TM4SF4: variants seen among roughly 807,000 people sequenced by gnomAD.
TM4SF4 encodes transmembrane 4 L six family member 4.
In TM4SF4, 24 loss-of-function variants were observed where a neutral mutation model predicts 24.1. The observed-to-expected ratio is 1.00, with a 90% CI of 0.72 to 1.40. The LOEUF is 1.40. Among genes scored for constraint, TM4SF4 ranks in the 40% most tolerant of loss-of-function variants. The pLI is 0.00. For synonymous variants in TM4SF4, 113 were observed against 97.0 expected, an observed-to-expected ratio of 1.17 and a Z score of -0.97; for missense variants, 254 against 254.2, an observed-to-expected ratio of 1.00 and a Z score of 0.01.
At chr3:149,480,256 T>C (rs917876801) in intron 2 of TM4SF4, among the ~76,000 whole-genome samples, 1 of 152,126 alleles carries the variant, frequency 6.6e-6, no homozygotes, top group African/African-American at 2.4e-5. Context: ...CTAATCCTTC[T>C]AAAAAATGGA....
At chr3:149,476,991 A>T (rs1447327369) in intron 2 of TM4SF4, among the ~76,000 whole-genome samples, 4 of 151,290 alleles carry the variant, frequency 2.6e-5, no homozygotes, top group Non-Finnish European at 5.9e-5. Context: ...GTAGAGACAG[A>T]GTTTGGGCAT....
At chr3:149,499,709 T>C (rs1271153536) in intron 4 of TM4SF4, among the ~76,000 whole-genome samples, 1 of 152,158 alleles carries the variant, frequency 6.6e-6, no homozygotes, top group Non-Finnish European at 1.5e-5. Flanking sequence ...AATTATTTTA[T>C]TTAAATTTTA....
intron 2 of TM4SF4, among the ~76,000 whole-genome samples, 183 bp downstream of exon 2, chr3:149,476,095 T>C (rs980072411): frequency 6.6e-6 from 1 of 152,216 alleles, no homozygotes; most frequent in Non-Finnish European, 1.5e-5. Flanking sequence ...CAAAATACCA[T>C]AGCCCTCATA....
chr3:149,487,610 CTCTT>C lies in TM4SF4; in HGVS notation c.265-6_265-3del. 6.2e-7 allele frequency: 1 copy of C among 1,613,964 alleles called. No homozygotes were observed. Among genetic ancestry groups the C allele is most frequent in the South Asian group, 1.1e-5 (1 of 91,076 alleles). On this transcript the variant is annotated splice_region_variant and splice_polypyrimidine_tract_variant and intron_variant, in intron 2 of 4. Coordinates refer to ENST00000305354, the MANE Select transcript of TM4SF4 (RefSeq NM_004617.4). ...GGAGAATGTGACTGTCTCTCTTCCT[CTCTT>C]TCAGATGTTCACCTCCACGATATTT... is the stretch of plus-strand genomic sequence containing the variant.
chr3:149,480,777 A>T (rs988450866), intron 2 of TM4SF4, among the ~76,000 whole-genome samples: 6 of 152,030 alleles, frequency 3.9e-5, no homozygotes, highest in African/African-American at 1.4e-4. Flanking sequence ...TAAAGTATGG[A>T]ATTTTATTTC....
At chr3:149,482,329 C>T (rs1363343015) in intron 2 of TM4SF4, among the ~76,000 whole-genome samples, 1 of 152,196 alleles carries the variant, frequency 6.6e-6, no homozygotes, top group East Asian at 1.9e-4. Flanking sequence ...CATTTATTCA[C>T]TTAGACCAGG....
At position 149,481,369 on chromosome 3, in the gene TM4SF4, A is replaced by G. The variant is rs1165112269; in HGVS notation, c.264+5457A>G. On this transcript the variant is annotated intron_variant, in intron 2 of 4. Coordinates refer to ENST00000305354, the MANE Select transcript of TM4SF4 (RefSeq NM_004617.4). ...TGGATGAAGTAAGTGAACACCTAGG[A>G]GAGGAAACGGGCTTCCATATTTATC... is the stretch of plus-strand genomic sequence containing the variant. Among the ~76,000 whole-genome samples the G allele has an allele frequency of 5.3e-5, 8 of 152,098 alleles. 1 individual carries two copies. The highest frequency in any genetic ancestry group is 5.2e-4 in the Admixed American group (8 of 15,270).
intron 1 of TM4SF4, 61 bp from the exon 2 acceptor site, chr3:149,475,762 G>T (rs543380599): frequency 7.0e-7 from 1 of 1,431,884 alleles, no homozygotes; most frequent in South Asian, 1.2e-5. Context: ...ATACAGTCAG[G>T]CAGGCTCGGG....
intron 3 of TM4SF4, among the ~76,000 whole-genome samples, chr3:149,497,576 ATT>A (rs1734332821): frequency 6.6e-6 from 1 of 152,190 alleles, no homozygotes; most frequent in African/African-American, 2.4e-5. Flanking sequence ...ATTCCACAAG[ATT>A]TTACCACTTT....
chr3:149,501,640 C>T (rs1414404970), intron 4 of TM4SF4, among the ~76,000 whole-genome samples: 3 of 152,256 alleles, frequency 2.0e-5, no homozygotes, highest in Non-Finnish European at 4.4e-5. Flanking sequence ...GGCTGGTCAG[C>T]ATTCCTGCCC....
intron 2 of TM4SF4, among the ~76,000 whole-genome samples, chr3:149,483,670 G>A (rs1467268602): frequency 6.6e-6 from 1 of 151,974 alleles, no homozygotes; most frequent in Non-Finnish European, 1.5e-5. Flanking sequence ...AAGCTCCTTA[G>A]CCAACAATAA....
At chr3:149,498,638 A>G in intron 3 of TM4SF4, 84 bp from the exon 4 acceptor site, 1 of 1,272,638 alleles carries the variant, frequency 7.9e-7, no homozygotes, top group South Asian at 1.3e-5. Context: ...GTAGTGCATG[A>G]GAAACATTGT....
rs1181254615 is a variant in TM4SF4, at chr3:149,503,314, C to A, written c.*621C>A. On this transcript the variant is annotated 3_prime_UTR_variant, in exon 5 of 5. Coordinates refer to ENST00000305354, the MANE Select transcript of TM4SF4 (RefSeq NM_004617.4). ...ATTGTGTGTGTTTTAGGAGGGGGGA[C>A]AAAACGTTGAATGAATAACAACTCA... is the stretch of plus-strand genomic sequence containing the variant. 1.3e-5 allele frequency: 2 copies of A among 152,114 alleles called. No homozygotes were observed. Among genetic ancestry groups the A allele is most frequent in the East Asian group, 3.9e-4 (2 of 5,182 alleles). 9.4% of individuals were successfully genotyped at this position (152,114 alleles called of 1,614,324 possible). A position where few individuals can be genotyped will look rare whatever the true frequency, so the allele number is the denominator to read the frequency against.
At chr3:149,495,117 G>T in intron 3 of TM4SF4, 1 of 258,732 alleles carries the variant, frequency 3.9e-6, no homozygotes, top group Non-Finnish European at 7.7e-6. Flanking sequence ...ATTCCACAGA[G>T]CCCCTCTACA....
At chr3:149,478,889 G>A (rs968205731) in intron 2 of TM4SF4, among the ~76,000 whole-genome samples, 1 of 152,006 alleles carries the variant, frequency 6.6e-6, no homozygotes, top group Non-Finnish European at 1.5e-5. Flanking sequence ...TTAGCCTCCC[G>A]AGTAGCTGGG....
chr3:149,493,251 C>CA (rs1006887384), intron 3 of TM4SF4, among the ~76,000 whole-genome samples: 10 of 151,664 alleles, frequency 6.6e-5, no homozygotes, highest in African/African-American at 1.2e-4. Context: ...AAATAAGGCT[C>CA]AAAAAAAACC....
At chr3:149,488,035 C>T (rs746142624) in intron 3 of TM4SF4, among the ~76,000 whole-genome samples, 6 of 152,130 alleles carry the variant, frequency 3.9e-5, no homozygotes, top group Non-Finnish European at 5.9e-5. Context: ...ATCACTTGCA[C>T]CCAAATATTT....
chr3:149,476,928 G>A (rs541526161), intron 2 of TM4SF4, among the ~76,000 whole-genome samples: 70 of 148,442 alleles, frequency 4.7e-4, no homozygotes, highest in Non-Finnish European at 6.4e-4. Flanking sequence ...AGCCTTCCAA[G>A]TAGCTGGGAG....
intron 4 of TM4SF4, among the ~76,000 whole-genome samples, chr3:149,500,424 G>A (rs1296411556): frequency 6.6e-6 from 1 of 151,990 alleles, no homozygotes; most frequent in Non-Finnish European, 1.5e-5. Flanking sequence ...GCAGTAAAAT[G>A]TGTGTATTAC....
Sources: gnomAD v4.1 joint callset for allele counts (sites outside exome capture counted in the v4.1 genomes callset) on GRCh38, gnomAD v4.1.1 for gene constraint, MANE v1.5 for transcripts, NCBI Gene and HGNC (gene_info 2026-07-23, HGNC 2026-07-21) for gene names.